The following ME1 variants were observed in gnomAD, a reference collection of about 807,000 sequenced individuals.
The protein encoded by ME1 is malic enzyme 1.
In ME1, 74 loss-of-function variants were observed where a neutral mutation model predicts 66.4. The observed-to-expected ratio is 1.11, with a 90% confidence interval of 0.92 to 1.35. The LOEUF is 1.35. Among genes scored for constraint, ME1 ranks in the 40% most tolerant of loss-of-function variants. ME1 has a pLI of 0.00. For synonymous variants in ME1, 251 were observed against 235.6 expected (o/e 1.07, Z -0.60); for missense variants, 750 against 694.1 (o/e 1.08, Z -0.90).
chr6:83,250,460 T>C (rs1211149371), intron 7 of ME1, among the ~76,000 whole-genome samples: 1 of 152,194 alleles, frequency 6.6e-6, no homozygotes, highest in Non-Finnish European at 1.5e-5. Flanking sequence ...TCAGTGTGAC[T>C]CTATAGTCCA....
chr6:83,310,347 T>C (rs1235111133), intron 6 of ME1, among the ~76,000 whole-genome samples: 1 of 152,216 alleles, frequency 6.6e-6, no homozygotes, highest in Admixed American at 6.5e-5. Flanking sequence ...CAGGGAAAGC[T>C]GTCATGGTGC....
intron 5 of ME1, among the ~76,000 whole-genome samples, chr6:83,342,931 G>A (rs745557757): frequency 2.6e-4 from 40 of 152,010 alleles, no homozygotes; most frequent in Non-Finnish European, 8.8e-5. Flanking sequence ...TGATCTGCCC[G>A]CCTTGGCCTC....
chr6:83,411,550 T>C (rs532871888), intron 1 of ME1, among the ~76,000 whole-genome samples: 2 of 152,326 alleles, frequency 1.3e-5, no homozygotes, highest in Admixed American at 1.3e-4. Flanking sequence ...ACATATTCAT[T>C]AGAGATATAT....
rs766848987 is a variant in ME1 at position 83,237,698 on chromosome 6, A to T, written c.1026+19T>A. ...TGGCATAGTTATCTTTATTCTGGTT[A>T]AAAATGACAAATTCTTACCTTAACT... On this transcript the variant is annotated intron_variant, in intron 9 of 13. Coordinates refer to ENST00000369705, the MANE Select transcript of ME1 (RefSeq NM_002395.6). 1 of 1,453,910 alleles carries T rather than the reference A, an allele frequency of 6.9e-7. No individual in the cohort carries two copies. The highest frequency in any genetic ancestry group is 1.4e-5 in the African/African-American group (1 of 70,834). The allele number at this position is 1,453,910 out of a possible 1,614,324, so 90.1% of individuals were successfully genotyped here.
At chr6:83,283,014 G>T (rs1321179682) in intron 6 of ME1, among the ~76,000 whole-genome samples, 2 of 151,360 alleles carry the variant, frequency 1.3e-5, no homozygotes, top group Non-Finnish European at 2.9e-5. Context: ...GGATCACGAG[G>T]TCAGGAGATC....
intron 2 of ME1, among the ~76,000 whole-genome samples, chr6:83,404,327 C>A (rs1304605530): frequency 1.3e-5 from 2 of 152,036 alleles, no homozygotes; most frequent in Non-Finnish European, 1.5e-5. Context: ...CGTTCATATC[C>A]TTTGCCCACT....
intron 6 of ME1, among the ~76,000 whole-genome samples, chr6:83,309,370 G>A (rs889283593): frequency 2.6e-5 from 4 of 152,170 alleles, no homozygotes; most frequent in African/African-American, 7.2e-5. Flanking sequence ...TACTGACAAT[G>A]AGAAAAGGTT....
At chr6:83,265,134 T>C (rs1217600440) in intron 6 of ME1, among the ~76,000 whole-genome samples, 4 of 152,130 alleles carry the variant, frequency 2.6e-5, no homozygotes, top group African/African-American at 7.2e-5. Context: ...AGCAAGACCC[T>C]CCACCAGCAA....
In ME1 at chr6:83,312,761, T is replaced by A. The variant is rs6900681; in HGVS notation, c.704+2549A>T. On this transcript the variant is annotated intron_variant, in intron 6 of 13. Transcript: ENST00000369705. Reference sequence around the variant, plus strand: ...ATCCCAATGGGTACTCCTTTTTTTTTAATTTTTTTAAGAAAGAGTCTTGCT... The same window carrying A: ...ATCCCAATGGGTACTCCTTTTTTTTAAATTTTTTTAAGAAAGAGTCTTGCT... Among the ~76,000 whole-genome samples the A allele has an allele frequency of 5.9e-3, 892 of 152,174 alleles. 9 individuals carry two copies. Among genetic ancestry groups the A allele is most frequent in the African/African-American group, 0.02 (845 of 41,512 alleles).
At chr6:83,305,912 A>G (rs1344413591) in intron 6 of ME1, among the ~76,000 whole-genome samples, 2 of 152,162 alleles carry the variant, frequency 1.3e-5, no homozygotes, top group Non-Finnish European at 1.5e-5. Flanking sequence ...TAATATTGTT[A>G]TAAGATTTCC....
At chr6:83,386,011 C>G (rs1007607701) in intron 3 of ME1, among the ~76,000 whole-genome samples, 3 of 151,698 alleles carry the variant, frequency 2.0e-5, no homozygotes, top group Non-Finnish European at 2.9e-5. Context: ...TCCAGACATT[C>G]CATCTGACTT....
At chr6:83,420,892 T>C (rs558732147) in intron 1 of ME1, among the ~76,000 whole-genome samples, 254 of 152,306 alleles carry the variant, frequency 1.7e-3, no homozygotes, top group Non-Finnish European at 2.8e-3. Context: ...TTTTTTGTTG[T>C]TGTTGTTTTT....
At chr6:83,277,847 A>T (rs1767213718) in intron 6 of ME1, among the ~76,000 whole-genome samples, 1 of 151,698 alleles carries the variant, frequency 6.6e-6, no homozygotes, top group Non-Finnish European at 1.5e-5. Flanking sequence ...GGTTGCAGTG[A>T]GCTGAGATCG....
chr6:83,268,844 G>A (rs117141528), intron 6 of ME1, among the ~76,000 whole-genome samples: 10,920 of 151,604 alleles, frequency 0.072, 470 homozygotes, highest in Admixed American at 0.097. Context: ...TGCCAGCCTC[G>A]GCCTCCCAAA....
intron 5 of ME1, among the ~76,000 whole-genome samples, chr6:83,340,120 T>C (rs1055207609): frequency 5.9e-5 from 9 of 152,322 alleles, no homozygotes; most frequent in African/African-American, 2.2e-4. Context: ...ATATTTGTTT[T>C]ATAGGCAGCC....
At position 83,315,457 on chromosome 6, in the gene ME1, A is replaced by C. The variant is rs946982185; in HGVS notation, c.601-44T>G. ...ATAAAAATAGAAATAACTATAACCA[A>C]ATCATTTATTGAGCCTCAGTTTCTT... On this transcript the variant is annotated intron_variant, in intron 5 of 13. Transcript: ENST00000369705. 4.4e-6 allele frequency: 5 copies of C among 1,133,410 alleles called. No homozygotes were observed. The Admixed American group carries it at 8.3e-5, about 19-fold the overall frequency. 70.2% of individuals were successfully genotyped at this position (1,133,410 alleles called of 1,614,324 possible).
intron 5 of ME1, among the ~76,000 whole-genome samples, chr6:83,331,369 C>A (rs1768404761): frequency 6.6e-6 from 1 of 151,878 alleles, no homozygotes; most frequent in Non-Finnish European, 1.5e-5. Context: ...GCGGGTGGAT[C>A]ACGAGGTCCG....
At chr6:83,374,367 T>A (rs1266332696) in intron 3 of ME1, among the ~76,000 whole-genome samples, 2 of 152,242 alleles carry the variant, frequency 1.3e-5, no homozygotes, top group African/African-American at 4.8e-5. Flanking sequence ...GTTGAGCTTT[T>A]TTCATATGTT....
intron 5 of ME1, among the ~76,000 whole-genome samples, chr6:83,321,025 A>C (rs1181628351): frequency 6.6e-6 from 1 of 152,156 alleles, no homozygotes; most frequent in Non-Finnish European, 1.5e-5. Flanking sequence ...AGGGTGGGGC[A>C]TCGCTGCACC....
Sources: allele counts gnomAD v4.1 joint callset (sites outside exome capture counted in the v4.1 genomes callset), GRCh38; gene constraint gnomAD v4.1.1; transcripts MANE v1.5; gene names NCBI Gene and HGNC (gene_info 2026-07-23, HGNC 2026-07-21).